The following UBE2D2 variants were observed in gnomAD, a reference collection of about 807,000 sequenced individuals.
UBE2D2 encodes the protein ubiquitin-conjugating enzyme E2 D2.
Under a neutral mutation model 24.2 loss-of-function variants are expected in UBE2D2, and 2 were observed. The ratio of observed to expected loss-of-function variants is 0.08; its 90% CI spans 0.03 to 0.26. UBE2D2 has a LOEUF of 0.26. Among genes scored for constraint, UBE2D2 ranks in the 10% least tolerant of loss-of-function variants. The pLI is 1.00. For synonymous variants in UBE2D2, 58 were observed against 56.5 expected, an observed-to-expected ratio of 1.03 and a Z score of -0.12; for missense variants, 44 against 177.6, an observed-to-expected ratio of 0.25 and a Z score of 4.28.
At position 139,623,858 on chromosome 5, in the gene UBE2D2, G is replaced by T. The variant is rs546778221; in HGVS notation, c.398+397G>T. 1.8e-3 allele frequency among the ~76,000 whole-genome samples: 274 copies of T among 151,570 alleles called. 1 individual carries two copies. Among genetic ancestry groups the T allele is most frequent in the African/African-American group, 6.5e-3 (269 of 41,352 alleles). On this transcript the variant is annotated intron_variant, in intron 6 of 6. Transcript: ENST00000398733. ...AGGCGCAGGCCACCACGCCAGGTTC[G>T]TTTTTTTTGTAGTTTTAGTAGAGAC...
At chr5:139,542,178 C>T (rs1269610348) in intron 1 of UBE2D2, among the ~76,000 whole-genome samples, 1 of 152,128 alleles carries the variant, frequency 6.6e-6, no homozygotes, top group Admixed American at 6.6e-5. Flanking sequence ...CAGAGCGAGA[C>T]TCCATCTCAA....
intron 1 of UBE2D2, among the ~76,000 whole-genome samples, chr5:139,570,368 T>C (rs1036561553): frequency 2.0e-5 from 3 of 152,120 alleles, no homozygotes; most frequent in Non-Finnish European, 4.4e-5. Context: ...AAACGGAGTC[T>C]CTACCTCTGT....
chr5:139,609,145 A>ACCAGAC (rs1754260507), intron 2 of UBE2D2, among the ~76,000 whole-genome samples: 1 of 152,224 alleles, frequency 6.6e-6, no homozygotes, highest in African/African-American at 2.4e-5. Flanking sequence ...TGGTAGTAGT[A>ACCAGAC]TTAGCAGGAA....
intron 1 of UBE2D2, among the ~76,000 whole-genome samples, chr5:139,536,951 G>A (rs1035852294): frequency 3.9e-5 from 6 of 152,098 alleles, no homozygotes; most frequent in South Asian, 2.1e-4. Flanking sequence ...AGGCCAAGGC[G>A]GGCGGAACAC....
chr5:139,616,028 G>C (rs905848712), intron 5 of UBE2D2, among the ~76,000 whole-genome samples: 4 of 150,766 alleles, frequency 2.7e-5, no homozygotes, highest in Non-Finnish European at 5.9e-5. Context: ...TAGAGACTGG[G>C]TTTCGCCATG....
rs1041517269 is a variant in UBE2D2 at position 139,561,410 on chromosome 5, G to A, written c.-382G>A. ...CCACCTGCAGCAGGGAGGAAGACAG[G>A]CAATCCCTCCGGCTGTCCGACCAAG... On this transcript the variant is annotated 5_prime_UTR_variant, in exon 1 of 7. Coordinates refer to ENST00000398733, the MANE Select transcript of UBE2D2 (RefSeq NM_003339.3). 5 of 203,364 alleles carry A rather than the reference G, an allele frequency of 2.5e-5. No individual in the cohort carries two copies. The highest frequency in any genetic ancestry group is 3.9e-5 in the Non-Finnish European group (4 of 101,270). 12.6% of individuals were successfully genotyped at this position (203,364 alleles called of 1,614,324 possible).
intron 5 of UBE2D2, among the ~76,000 whole-genome samples, chr5:139,619,025 G>A (rs1320593336): frequency 6.6e-6 from 1 of 152,158 alleles, no homozygotes; most frequent in Non-Finnish European, 1.5e-5. Flanking sequence ...AAAAACTGAA[G>A]GGAAGCAGAT....
intron 1 of UBE2D2, among the ~76,000 whole-genome samples, chr5:139,586,638 G>C (rs1323768081): frequency 6.6e-6 from 1 of 152,072 alleles, no homozygotes; most frequent in Non-Finnish European, 1.5e-5. Context: ...GGTGGTGGGT[G>C]CCTGTAGTCC....
intron 1 of UBE2D2, among the ~76,000 whole-genome samples, chr5:139,552,029 A>G (rs527533663): frequency 6.6e-6 from 1 of 152,372 alleles, no homozygotes; most frequent in East Asian, 1.9e-4. Context: ...AAAGGAATGT[A>G]AAATCAAGTA....
intron 2 of UBE2D2, among the ~76,000 whole-genome samples, chr5:139,604,640 C>CT (rs890115527): frequency 1.3e-5 from 2 of 152,038 alleles, no homozygotes. Context: ...ATCCCAGCTA[C>CT]TGGGGAGACT....
chr5:139,597,933 G>A (rs574365629), intron 1 of UBE2D2, among the ~76,000 whole-genome samples: 36 of 152,062 alleles, frequency 2.4e-4, no homozygotes, highest in African/African-American at 8.4e-4. Flanking sequence ...ACGAAGTCTC[G>A]CTCTGTCGCC....
intron 1 of UBE2D2, among the ~76,000 whole-genome samples, chr5:139,574,174 A>C (rs1199070603): frequency 6.9e-6 from 1 of 145,464 alleles, no homozygotes; most frequent in South Asian, 2.3e-4. Flanking sequence ...CCAGCCACTC[A>C]GGAGGCTGAG....
At chr5:139,587,497 G>T (rs573571302) in intron 1 of UBE2D2, among the ~76,000 whole-genome samples, 37 of 152,044 alleles carry the variant, frequency 2.4e-4, no homozygotes, top group Non-Finnish European at 4.3e-4. Flanking sequence ...TGGCTAAGAT[G>T]GCGAAACCCC....
chr5:139,605,315 GGGCCCGGT>G (rs1377885478), intron 2 of UBE2D2, among the ~76,000 whole-genome samples: 1 of 151,976 alleles, frequency 6.6e-6, no homozygotes, highest in African/African-American at 2.4e-5. Context: ...GTAAGCAGCC[GGGCCCGGT>G]GGCTCACGCC....
At chr5:139,567,603 G>A (rs941112585) in intron 1 of UBE2D2, among the ~76,000 whole-genome samples, 2 of 142,046 alleles carry the variant, frequency 1.4e-5, no homozygotes, top group Non-Finnish European at 3.0e-5. Context: ...GCACAATCTC[G>A]GCTCACTGCA....
intron 1 of UBE2D2, among the ~76,000 whole-genome samples, chr5:139,530,202 G>A (rs564902559): frequency 6.6e-6 from 1 of 152,272 alleles, no homozygotes; most frequent in South Asian, 2.1e-4. Context: ...CAGACTGTTT[G>A]GGCCCACCCA....
intron 1 of UBE2D2, among the ~76,000 whole-genome samples, chr5:139,532,172 AC>A (rs1752604952): frequency 6.9e-6 from 1 of 144,676 alleles, no homozygotes; most frequent in Admixed American, 6.9e-5. Flanking sequence ...AATTTATTCT[AC>A]TTTTTTTTTT....
intron 1 of UBE2D2, among the ~76,000 whole-genome samples, chr5:139,581,141 A>G (rs1438193802): frequency 6.6e-6 from 1 of 152,100 alleles, no homozygotes; most frequent in Non-Finnish European, 1.5e-5. Context: ...AGTGGTTGAA[A>G]TTTAAAAGTT....
intron 1 of UBE2D2, among the ~76,000 whole-genome samples, chr5:139,528,073 A>G (rs1295026595): frequency 6.6e-6 from 1 of 152,250 alleles, no homozygotes; most frequent in Non-Finnish European, 1.5e-5. Flanking sequence ...CCCAAGGGCC[A>G]TGCAGCTTCT....
Sources: gnomAD v4.1 joint callset for allele counts (sites outside exome capture counted in the v4.1 genomes callset) on GRCh38, gnomAD v4.1.1 for gene constraint, MANE v1.5 for transcripts, NCBI Gene and HGNC (gene_info 2026-07-23, HGNC 2026-07-21) for gene names.